Variants in CECR2 observed in about 807,000 individuals in gnomAD.
CECR2 encodes chromatin remodeling regulator CECR2.
In CECR2, 30 loss-of-function variants were observed where a neutral mutation model predicts 154.5. The observed-to-expected ratio is 0.19, with a 90% confidence interval of 0.15 to 0.26. The LOEUF (loss-of-function observed/expected upper bound fraction) is 0.26, where lower values mean the gene tolerates loss of function less well. Among genes scored for constraint, CECR2 ranks in the 10% least tolerant of loss-of-function variants. The pLI is 1.00. For synonymous variants in CECR2, 725 were observed against 683.7 expected (o/e 1.06, Z -0.94); for missense variants, 1,743 against 1,829.3 (o/e 0.95, Z 0.86).
At chr22:17,542,056 A>G (rs1309569393) in intron 15 of CECR2, 89 bp downstream of exon 15, 9 of 1,569,548 alleles carry the variant, frequency 5.7e-6, no homozygotes, top group Non-Finnish European at 7.8e-6. Context: ...AATGTTGTTC[A>G]TTGCGTCCTT....
At chr22:17,481,541 C>T (rs2055318522) in intron 2 of CECR2, among the ~76,000 whole-genome samples, 1 of 152,090 alleles carries the variant, frequency 6.6e-6, no homozygotes. Flanking sequence ...AACCAAGTGT[C>T]TGTATCCTTT....
chr22:17,443,574 C>G (rs2054614691), intron 1 of CECR2, among the ~76,000 whole-genome samples: 1 of 152,138 alleles, frequency 6.6e-6, no homozygotes, highest in Admixed American at 6.6e-5. Flanking sequence ...AAAGTTACTG[C>G]TTAAAATTGA....
chr22:17,537,271 G>C, intron 10 of CECR2, 39 bp downstream of exon 10: 1 of 1,609,970 alleles, frequency 6.2e-7, no homozygotes, highest in Non-Finnish European at 8.5e-7. Flanking sequence ...AGTAGCAACT[G>C]GTAGCATTTA....
At chr22:17,544,246 C>G (rs1452535675) in intron 16 of CECR2, among the ~76,000 whole-genome samples, 2 of 151,768 alleles carry the variant, frequency 1.3e-5, no homozygotes, top group African/African-American at 4.8e-5. Context: ...CGCCTGTAAT[C>G]CCAGCACTTT....
In CECR2 at chr22:17,552,100, G is replaced by C. The variant is rs1283250524; in HGVS notation, c.4347G>C (p.Glu1449Asp). 1 of 1,614,002 alleles carries C rather than the reference G, an allele frequency of 6.2e-7. No homozygotes were observed. The highest frequency in any genetic ancestry group is 1.1e-5 in the South Asian group (1 of 91,086). ...PKTPTAATSQ[E>D]EVPPHKPPTL... ...CCCCCACAGCAGCAACATCACAGGAGGAGGTGCCGCCTCATAAGCCTCCAA... is the reference window on the plus strand; with the variant it reads ...CCCCCACAGCAGCAACATCACAGGACGAGGTGCCGCCTCATAAGCCTCCAA... The change falls in exon 18 of 19, where the codon GAG becomes GAC. Residue 1449 changes from glutamate (E) to aspartate (D), a missense_variant. Glu to Asp is a conservative substitution (Grantham distance 45, BLOSUM62 2). This residue lies in a region of CECR2 where 1,250 missense variants were observed against 1,192.1 expected (regional missense o/e 1.05). Transcript: ENST00000262608.
chr22:17,410,723 G>A (rs140628454), intron 1 of CECR2, among the ~76,000 whole-genome samples: 1 of 152,168 alleles, frequency 6.6e-6, no homozygotes, highest in African/African-American at 2.4e-5. Context: ...TAATATTACA[G>A]GCATGAGTCA....
intron 8 of CECR2, among the ~76,000 whole-genome samples, chr22:17,513,867 T>G (rs2146932994): frequency 6.6e-6 from 1 of 152,352 alleles, no homozygotes; most frequent in Non-Finnish European, 1.5e-5. Context: ...CTGAATAGAC[T>G]GAAACGTCCT....
At chr22:17,447,438 C>T (rs971879104) in intron 1 of CECR2, among the ~76,000 whole-genome samples, 2 of 151,902 alleles carry the variant, frequency 1.3e-5, no homozygotes, top group South Asian at 2.1e-4. Context: ...CAGGCGTGAG[C>T]CACCGTGCCC....
At chr22:17,549,790 T>TC (rs1555935212) in intron 17 of CECR2, among the ~76,000 whole-genome samples, 1 of 144,578 alleles carries the variant, frequency 6.9e-6, no homozygotes, top group Admixed American at 7.1e-5. Context: ...TTTGGTTTTT[T>TC]TTTTTTTTTT....
At chr22:17,467,335 C>T (rs1207526734) in intron 1 of CECR2, among the ~76,000 whole-genome samples, 1 of 152,102 alleles carries the variant, frequency 6.6e-6, no homozygotes, top group East Asian at 1.9e-4. Flanking sequence ...AGCTGGGTGA[C>T]TCGCTTTGAG....
chr22:17,519,207 G>C (rs1423498167), intron 8 of CECR2, among the ~76,000 whole-genome samples: 3 of 152,092 alleles, frequency 2.0e-5, no homozygotes, highest in Admixed American at 6.6e-5. Context: ...GGAGTGGGGA[G>C]GGGCCTGTAG....
intron 8 of CECR2, among the ~76,000 whole-genome samples, chr22:17,522,419 G>C (rs1344368745): frequency 3.3e-5 from 5 of 152,112 alleles, no homozygotes; most frequent in Admixed American, 6.6e-5. Flanking sequence ...CATTTATTCG[G>C]GAAGCAGTGG....
intron 1 of CECR2, among the ~76,000 whole-genome samples, chr22:17,445,025 TTTTA>T (rs2054637841): frequency 6.6e-6 from 1 of 152,260 alleles, no homozygotes; most frequent in Non-Finnish European, 1.5e-5. Context: ...ACAGCTATAA[TTTTA>T]TTTTTCTCTT....
intron 2 of CECR2, among the ~76,000 whole-genome samples, chr22:17,494,011 A>C (rs1045828509): frequency 6.6e-6 from 1 of 152,242 alleles, no homozygotes; most frequent in African/African-American, 2.4e-5. Flanking sequence ...GTAGATAAAG[A>C]GATTTATTGC....
intron 9 of CECR2, among the ~76,000 whole-genome samples, chr22:17,528,766 C>T (rs2056306229): frequency 6.6e-6 from 1 of 152,094 alleles, no homozygotes; most frequent in Admixed American, 6.6e-5. Flanking sequence ...GAACTCCTGG[C>T]CTCAAGTGAT....
chr22:17,482,552 G>A (rs1269253534), intron 2 of CECR2, among the ~76,000 whole-genome samples: 1 of 151,592 alleles, frequency 6.6e-6, no homozygotes, highest in African/African-American at 2.4e-5. Flanking sequence ...TAGTTTTTTT[G>A]ACACGGGGTC....
chr22:17,487,026 G>A (rs1569114171), intron 2 of CECR2, among the ~76,000 whole-genome samples: 1 of 152,178 alleles, frequency 6.6e-6, no homozygotes, highest in South Asian at 2.1e-4. Context: ...CTAAGGCATT[G>A]CTCACTTTCT....
At chr22:17,518,666 C>G (rs1908651977) in intron 8 of CECR2, 4 of 445,512 alleles carry the variant, frequency 9.0e-6, no homozygotes, top group Non-Finnish European at 1.8e-5. Context: ...CTGAACCATT[C>G]CAGGTCTTAT....
chr22:17,523,958 A>G (rs1300607377), intron 8 of CECR2, among the ~76,000 whole-genome samples, 160 bp from the exon 9 acceptor site: 1 of 152,218 alleles, frequency 6.6e-6, no homozygotes, highest in Non-Finnish European at 1.5e-5. Context: ...ACATTTATGT[A>G]TATCCATGTG....
Sources: gnomAD v4.1 joint callset for allele counts (sites outside exome capture counted in the v4.1 genomes callset) on GRCh38, gnomAD v4.1.1 for gene constraint, gnomAD v4.1.1 regional missense constraint, MANE v1.5 for transcripts, NCBI Gene and HGNC (gene_info 2026-07-23, HGNC 2026-07-21) for gene names.